Variants in CUL1 observed in about 807,000 individuals in gnomAD.
CUL1 encodes cullin-1.
CUL1 carries 24 observed loss-of-function variants against 118.0 expected under a neutral mutation model. The ratio of observed to expected loss-of-function variants is 0.20; its 90% CI spans 0.15 to 0.29. CUL1 has a LOEUF of 0.29. Among genes scored for constraint, CUL1 ranks in the 10% least tolerant of loss-of-function variants. The pLI, the probability that CUL1 is intolerant of heterozygous loss-of-function variation, is 1.00. For synonymous variants in CUL1, 332 were observed against 340.4 expected (o/e 0.98, Z 0.27); for missense variants, 361 against 933.8 (o/e 0.39, Z 7.99).
At chr7:148,768,327 T>C (rs976801251) in intron 9 of CUL1, among the ~76,000 whole-genome samples, 1 of 151,854 alleles carries the variant, frequency 6.6e-6, no homozygotes, top group Non-Finnish European at 1.5e-5. Flanking sequence ...TCAGTTTTGC[T>C]CCTGTTGTGA....
chr7:148,730,039 T>G lies in CUL1; in HGVS notation c.-84T>G. ...GCTGCTGTGAATAAATTTGGAATGG[T>G]ACTGTATATTTTCATCTAATGGAGA... On this transcript the variant is annotated 5_prime_UTR_variant, in exon 2 of 22. Coordinates refer to ENST00000325222, the MANE Select transcript of CUL1 (RefSeq NM_003592.3). 6.9e-7 allele frequency: 1 copy of G among 1,454,960 alleles called. No homozygotes were observed. The highest frequency in any genetic ancestry group is 9.3e-7 in the Non-Finnish European group (1 of 1,070,266). 90.1% of individuals were successfully genotyped at this position (1,454,960 alleles called of 1,614,324 possible). A position where few individuals can be genotyped will look rare whatever the true frequency, so the allele number is the denominator to read the frequency against.
chr7:148,700,386 A>G (rs1797686199), intron 1 of CUL1, among the ~76,000 whole-genome samples: 1 of 152,180 alleles, frequency 6.6e-6, no homozygotes, highest in African/African-American at 2.4e-5. Context: ...ACTTCATTTC[A>G]TGGTGCACCC....
intron 2 of CUL1, among the ~76,000 whole-genome samples, chr7:148,750,278 G>T (rs369449480): frequency 1.3e-5 from 2 of 150,918 alleles, no homozygotes; most frequent in African/African-American, 4.9e-5. Flanking sequence ...CTACTGGAAG[G>T]AGATGCCACC....
intron 1 of CUL1, among the ~76,000 whole-genome samples, chr7:148,722,788 T>TG (rs1798437044): frequency 6.6e-6 from 1 of 152,240 alleles, no homozygotes; most frequent in Non-Finnish European, 1.5e-5. Context: ...CATTTGCAGG[T>TG]GGGGCCCTGC....
At chr7:148,736,577 A>C (rs917043207) in intron 2 of CUL1, among the ~76,000 whole-genome samples, 2 of 152,230 alleles carry the variant, frequency 1.3e-5, no homozygotes, top group African/African-American at 4.8e-5. Context: ...TTGTGGGGTT[A>C]TAGGCATGAA....
At chr7:148,766,431 C>A in intron 7 of CUL1, 130 bp from the exon 8 acceptor site, 1 of 781,796 alleles carries the variant, frequency 1.3e-6, no homozygotes, top group Non-Finnish European at 1.9e-6. Context: ...TTTTCTTAAT[C>A]GCATTTTATT....
At chr7:148,748,814 G>A (rs780034577) in intron 2 of CUL1, among the ~76,000 whole-genome samples, 1 of 151,992 alleles carries the variant, frequency 6.6e-6, no homozygotes, top group Non-Finnish European at 1.5e-5. Flanking sequence ...TCATGTTTCC[G>A]CAATTTAATT....
chr7:148,699,599 C>T (rs889879658), intron 1 of CUL1, among the ~76,000 whole-genome samples: 1 of 152,218 alleles, frequency 6.6e-6, no homozygotes, highest in Admixed American at 6.5e-5. Context: ...TTTCCGGTTC[C>T]CTGCCCGCGG....
chr7:148,796,626 C>T (rs985122151), intron 17 of CUL1, among the ~76,000 whole-genome samples: 3 of 152,242 alleles, frequency 2.0e-5, no homozygotes, highest in South Asian at 4.2e-4. Context: ...GCTGTGCAGA[C>T]GGGTCCTGAG....
At chr7:148,791,652 C>T (rs1031057679) in intron 16 of CUL1, among the ~76,000 whole-genome samples, 1 of 152,248 alleles carries the variant, frequency 6.6e-6, no homozygotes, top group Non-Finnish European at 1.5e-5. Context: ...TATCTCTGTT[C>T]AAGGCCCTGG....
intron 1 of CUL1, among the ~76,000 whole-genome samples, chr7:148,701,470 C>G (rs1797720054): frequency 6.6e-6 from 1 of 152,132 alleles, no homozygotes; most frequent in African/African-American, 2.4e-5. Flanking sequence ...CTTTTTTCCC[C>G]CTTAAAACTA....
intron 1 of CUL1, among the ~76,000 whole-genome samples, chr7:148,702,677 G>T (rs911037004): frequency 1.3e-5 from 2 of 152,150 alleles, no homozygotes; most frequent in Admixed American, 6.5e-5. Flanking sequence ...CTGACTCTTT[G>T]CCTTTTCTAT....
rs551836351 is a variant in CUL1, at chr7:148,779,469, G to A, written c.1084-4314G>A. 3.3e-5 allele frequency among the ~76,000 whole-genome samples: 5 copies of A among 152,318 alleles called. No individual in the cohort carries two copies. In the East Asian group the frequency reaches 9.7e-4, roughly 29 times the overall value. ...AAAAGTGTTTGAGATGGAGAAAAGA[G>A]TTAGAGCTAGCTAGGCAAAGGGGGA... On this transcript the variant is annotated intron_variant, in intron 9 of 21. Transcript: ENST00000325222.
Position 148,788,690 on chromosome 7 carries a change from T to C in CUL1, c.1597+16T>C. Reference sequence around the variant, plus strand: ...CCCCTAGACTGTGAGTATCCGTGTGTCTCTATGTTGTGTTTACAGGCAGAG... The same window carrying C: ...CCCCTAGACTGTGAGTATCCGTGTGCCTCTATGTTGTGTTTACAGGCAGAG... On this transcript the variant is annotated intron_variant, in intron 14 of 21. Transcript: ENST00000325222. 2 of 1,522,364 alleles carry C rather than the reference T, an allele frequency of 1.3e-6. No individual in the cohort carries two copies. The highest frequency in any genetic ancestry group is 1.8e-6 in the Non-Finnish European group (2 of 1,098,742). The allele number at this position is 1,522,364 out of a possible 1,614,324, so 94.3% of individuals were successfully genotyped here. A position where few individuals can be genotyped will look rare whatever the true frequency, so the allele number is the denominator to read the frequency against.
In CUL1 at chr7:148,754,162, T is replaced by G. The variant is rs372349429; in HGVS notation, c.315+12T>G. ...CAAATCTTCTTAAGGTAAGATGTTT[T>G]ATATATATACTGAGTATTCATAACA... On this transcript the variant is annotated intron_variant, in intron 3 of 21. Coordinates refer to ENST00000325222, the MANE Select transcript of CUL1 (RefSeq NM_003592.3). The G allele has an allele frequency of 6.6e-7, 1 of 1,520,462 alleles. No individual in the cohort carries two copies. The highest frequency in any genetic ancestry group is 1.4e-5 in the African/African-American group (1 of 72,124). The allele number at this position is 1,520,462 out of a possible 1,614,324, so 94.2% of individuals were successfully genotyped here. A position where few individuals can be genotyped will look rare whatever the true frequency, so the allele number is the denominator to read the frequency against.
At position 148,787,037 on chromosome 7, in the gene CUL1, T is replaced by C. The variant is rs776344569; in HGVS notation, c.1396T>C (p.Tyr466His). 1 of 1,613,544 alleles carries C rather than the reference T, an allele frequency of 6.2e-7. No homozygotes were observed. Among genetic ancestry groups the C allele is most frequent in the Non-Finnish European group, 8.5e-7 (1 of 1,179,804 alleles). The stretch of plus-strand genomic sequence containing the variant: ...AGACAAAGACGTATTTCAGAAGTTC[T>C]ATGCGAAGATGCTCGCCAAGAGGCT... The part of the protein sequence containing the change: ...IEDKDVFQKF[Y>H]AKMLAKRLVH... Residue 466 changes from tyrosine to histidine, a missense_variant, in exon 13 of 22, where the codon TAT becomes CAT. By Grantham distance (83) the Tyr-to-His change is moderately conservative. Coordinates refer to ENST00000325222, the MANE Select transcript of CUL1 (RefSeq NM_003592.3). This position sits in a 1 kb window ranked among gnomAD's most constrained non-coding sequence, Gnocchi z 5.5.
intron 3 of CUL1, among the ~76,000 whole-genome samples, chr7:148,756,059 G>A (rs1337475793): frequency 6.6e-6 from 1 of 152,160 alleles, no homozygotes. Context: ...TTACTTTGTA[G>A]ATGCCATTAA....
chr7:148,797,417 T>A (rs1272779268), intron 17 of CUL1, among the ~76,000 whole-genome samples: 3 of 141,436 alleles, frequency 2.1e-5, no homozygotes, highest in Middle Eastern at 3.7e-3. Context: ...AAAAAAATGC[T>A]CATGGCGCAG....
At chr7:148,727,216 A>C (rs1031240702) in intron 1 of CUL1, among the ~76,000 whole-genome samples, 1 of 152,224 alleles carries the variant, frequency 6.6e-6, no homozygotes, top group Admixed American at 6.5e-5. Context: ...TGGGGTATGT[A>C]TACATTTGCA....
Sources: gnomAD v4.1 joint callset for allele counts (sites outside exome capture counted in the v4.1 genomes callset) on GRCh38, gnomAD v4.1.1 for gene constraint, Gnocchi (gnomAD v3.1) non-coding constraint, MANE v1.5 for transcripts, NCBI Gene and HGNC (gene_info 2026-07-23, HGNC 2026-07-21) for gene names.